The following SYNPR variants were observed in gnomAD, a reference collection of about 807,000 sequenced individuals.
The protein encoded by SYNPR is synaptoporin.
Under a neutral mutation model 32.9 loss-of-function variants are expected in SYNPR, and 23 were observed. That is an observed-to-expected ratio of 0.70 (90% CI 0.50 to 0.99). SYNPR has a LOEUF of 0.99. Ranked by LOEUF, SYNPR falls within the 50% of genes least tolerant of loss-of-function variation. The probability of loss-of-function intolerance (pLI) is 0.00; values close to 1 mark genes in which losing one functional copy is unlikely to be tolerated. For synonymous variants in SYNPR, 146 were observed against 135.9 expected, an observed-to-expected ratio of 1.07 and a Z score of -0.52; for missense variants, 318 against 349.3, an observed-to-expected ratio of 0.91 and a Z score of 0.71.
chr3:63,245,517 G>A (rs781397705), intron 1 of SYNPR, among the ~76,000 whole-genome samples: 18 of 151,968 alleles, frequency 1.2e-4, no homozygotes, highest in Non-Finnish European at 1.6e-4. Context: ...AACCTGTCCA[G>A]AATTGGGGTA....
In SYNPR at chr3:63,349,487, A is replaced by G. The variant is rs138381567; in HGVS notation, c.84+70745A>G. ...CAATTTCTTTCATCATTTTAAAATTATTTCTTTTATAATTTTCTTTGTAGG... is the reference window on the plus strand; with the variant it reads ...CAATTTCTTTCATCATTTTAAAATTGTTTCTTTTATAATTTTCTTTGTAGG... On this transcript the variant is annotated intron_variant, in intron 2 of 5. Transcript: ENST00000478300. Among the ~76,000 whole-genome samples the G allele has an allele frequency of 1.4e-3, 213 of 152,258 alleles. 1 individual carries two copies. The highest frequency in any genetic ancestry group is 5.0e-3 in the African/African-American group (208 of 41,548).
intron 4 of SYNPR, among the ~76,000 whole-genome samples, chr3:63,572,515 C>T (rs1410037196): frequency 6.6e-6 from 1 of 152,124 alleles, no homozygotes; most frequent in Admixed American, 6.6e-5. Context: ...GTTTATCTCT[C>T]CAAAACAGAA....
chr3:63,345,400 A>G (rs545570359), intron 2 of SYNPR, among the ~76,000 whole-genome samples: 1 of 152,222 alleles, frequency 6.6e-6, no homozygotes, highest in Non-Finnish European at 1.5e-5. Context: ...GACCGTCATA[A>G]TTTTGCATAG....
intron 2 of SYNPR, among the ~76,000 whole-genome samples, chr3:63,356,136 A>T (rs2087574915): frequency 6.6e-6 from 1 of 151,882 alleles, no homozygotes; most frequent in Non-Finnish European, 1.5e-5. Context: ...TATACTTTAA[A>T]TTTTTTTTCA....
At chr3:63,537,715 T>G (rs1478421191) in intron 3 of SYNPR, among the ~76,000 whole-genome samples, 1 of 152,180 alleles carries the variant, frequency 6.6e-6, no homozygotes. Context: ...AGTTCAGCCT[T>G]AAATACTTTC....
At chr3:63,310,333 T>C (rs1028449668) in intron 2 of SYNPR, among the ~76,000 whole-genome samples, 4 of 152,036 alleles carry the variant, frequency 2.6e-5, no homozygotes, top group African/African-American at 9.7e-5. Flanking sequence ...ATTTATTGGC[T>C]TACATGATTG....
At chr3:63,318,161 G>A (rs62253884) in intron 2 of SYNPR, among the ~76,000 whole-genome samples, 4 of 151,758 alleles carry the variant, frequency 2.6e-5, no homozygotes, top group Admixed American at 1.3e-4. Flanking sequence ...AGGTTACCTG[G>A]TGCTTCTGTC....
At chr3:63,544,938 A>G (rs1336458824) in intron 3 of SYNPR, among the ~76,000 whole-genome samples, 3 of 151,994 alleles carry the variant, frequency 2.0e-5, no homozygotes, top group Non-Finnish European at 4.4e-5. Context: ...TGCAGATGAG[A>G]AATCTGAAGC....
chr3:63,291,826 CTT>C (rs1553864727), intron 2 of SYNPR, among the ~76,000 whole-genome samples: 24 of 130,654 alleles, frequency 1.8e-4, no homozygotes, highest in Non-Finnish European at 3.8e-4. Flanking sequence ...TAGTTTCTTT[CTT>C]TCTCTCTCTC....
chr3:63,300,030 G>C (rs927555249), intron 2 of SYNPR, among the ~76,000 whole-genome samples: 2 of 152,102 alleles, frequency 1.3e-5, no homozygotes, highest in African/African-American at 2.4e-5. Context: ...AGCAAATGAT[G>C]AGTGTCCTTG....
chr3:63,340,844 C>T (rs1380856298), intron 2 of SYNPR, among the ~76,000 whole-genome samples: 1 of 152,180 alleles, frequency 6.6e-6, no homozygotes. Context: ...TAGTGTGCTA[C>T]ATTTAGTGTA....
At chr3:63,394,031 T>C (rs999984452) in intron 2 of SYNPR, among the ~76,000 whole-genome samples, 11 of 152,220 alleles carry the variant, frequency 7.2e-5, no homozygotes, top group Admixed American at 5.9e-4. Context: ...AAATCTATTT[T>C]CCCTGTCAGA....
rs148127912 is a variant in SYNPR, at chr3:63,286,195, T to G, written c.84+7453T>G. 4.1e-4 allele frequency among the ~76,000 whole-genome samples: 63 copies of G among 152,300 alleles called. 1 individual carries two copies. In the East Asian group the frequency reaches 0.011, roughly 26 times the overall value. On this transcript the variant is annotated intron_variant, in intron 2 of 5. Coordinates refer to ENST00000478300, the MANE Select transcript of SYNPR (RefSeq NM_001130003.2). The stretch of plus-strand genomic sequence containing the variant: ...CTTCAGGCGCTTGCTCCTTGGAATA[T>G]TCACATTTCAAAGAAAATTCCAGCA...
intron 5 of SYNPR, among the ~76,000 whole-genome samples, chr3:63,611,825 T>G (rs1014851984): frequency 6.6e-6 from 1 of 152,206 alleles, no homozygotes; most frequent in Non-Finnish European, 1.5e-5. Context: ...AGAATCTCTT[T>G]TGCCCACCTT....
At chr3:63,370,781 T>C (rs2087802172) in intron 2 of SYNPR, among the ~76,000 whole-genome samples, 1 of 152,206 alleles carries the variant, frequency 6.6e-6, no homozygotes, top group Admixed American at 6.5e-5. Flanking sequence ...TATTTTATGC[T>C]ATCAGGTTAA....
intron 2 of SYNPR, among the ~76,000 whole-genome samples, chr3:63,360,241 C>G (rs187379566): frequency 6.6e-6 from 1 of 152,300 alleles, no homozygotes; most frequent in East Asian, 1.9e-4. Flanking sequence ...CTTTTTCTCA[C>G]ACACCATGTT....
chr3:63,569,238 G>T (rs1391918216), intron 4 of SYNPR, among the ~76,000 whole-genome samples: 1 of 152,082 alleles, frequency 6.6e-6, no homozygotes, highest in Admixed American at 6.5e-5. Context: ...AATTAGCCTT[G>T]CACTTTACAC....
chr3:63,342,424 C>G (rs560303092), intron 2 of SYNPR, among the ~76,000 whole-genome samples: 1 of 152,088 alleles, frequency 6.6e-6, no homozygotes, highest in East Asian at 1.9e-4. Context: ...TTACATTGAT[C>G]GTATTTTGAA....
chr3:63,335,458 T>G (rs1486370597), intron 2 of SYNPR, among the ~76,000 whole-genome samples: 1 of 152,106 alleles, frequency 6.6e-6, no homozygotes, highest in African/African-American at 2.4e-5. Context: ...CAGGGCCAAT[T>G]GAAGCCACTG....
Sources: gnomAD v4.1 joint callset for allele counts (sites outside exome capture counted in the v4.1 genomes callset) on GRCh38, gnomAD v4.1.1 for gene constraint, MANE v1.5 for transcripts, NCBI Gene and HGNC (gene_info 2026-07-23, HGNC 2026-07-21) for gene names.